Variants in STRADB observed in about 807,000 individuals in gnomAD.
STRADB encodes STE20 related adaptor beta, also known as STE20-related kinase adapter protein beta.
A neutral mutation model predicts 52.1 loss-of-function variants in STRADB; 34 were observed. That is an observed-to-expected ratio of 0.65 (90% CI 0.50 to 0.87). The LOEUF is 0.87. Among genes scored for constraint, STRADB ranks in the 40% least tolerant of loss-of-function variants. STRADB has a pLI of 0.00. For synonymous variants in STRADB, 133 were observed against 174.5 expected (o/e 0.76, Z 1.87); for missense variants, 340 against 483.9 (o/e 0.70, Z 2.79).
chr2:201,460,181 C>G (rs189985553), intron 3 of STRADB, among the ~76,000 whole-genome samples: 21 of 151,812 alleles, frequency 1.4e-4, no homozygotes, highest in Non-Finnish European at 2.4e-4. Context: ...TCATTAATAC[C>G]CTAGTCTTCT....
At chr2:201,456,134 T>G (rs1952123657) in intron 2 of STRADB, among the ~76,000 whole-genome samples, 1 of 152,212 alleles carries the variant, frequency 6.6e-6, no homozygotes, top group African/African-American at 2.4e-5. Context: ...ACTTTTCTGC[T>G]GAAATACTAG....
intron 2 of STRADB, among the ~76,000 whole-genome samples, chr2:201,457,213 C>T (rs768007034): frequency 6.6e-6 from 1 of 152,134 alleles, no homozygotes; most frequent in Non-Finnish European, 1.5e-5. Flanking sequence ...TTCTTTTGCA[C>T]AGTGGTATTA....
At chr2:201,474,984 G>T (rs1253540000) in intron 6 of STRADB, among the ~76,000 whole-genome samples, 1 of 152,160 alleles carries the variant, frequency 6.6e-6, no homozygotes, top group East Asian at 1.9e-4. Flanking sequence ...CAAGAATTCC[G>T]TGCCTTTGCA....
chr2:201,463,347 A>AAT (rs141354422), intron 3 of STRADB, among the ~76,000 whole-genome samples: 2 of 151,390 alleles, frequency 1.3e-5, no homozygotes, highest in Non-Finnish European at 2.9e-5. Flanking sequence ...AAAAAAAAAA[A>AAT]AGGTTTTCCT....
chr2:201,470,377 G>A (rs1952370448), intron 4 of STRADB, among the ~76,000 whole-genome samples: 1 of 151,982 alleles, frequency 6.6e-6, no homozygotes, highest in African/African-American at 2.4e-5. Context: ...GTAAAATCAA[G>A]TCATCTAAAT....
At position 201,468,745 on chromosome 2, in the gene STRADB, C is replaced by G. The variant is rs937696210; in HGVS notation, c.94-1208C>G. On this transcript the variant is annotated intron_variant, in intron 3 of 11. Transcript: ENST00000194530. ...TTATAAGCCTTAGCTCATTACATCT[C>G]TAGCCTTCCCGACAGGCTTACAGGT... Among the ~76,000 whole-genome samples the G allele has an allele frequency of 4.6e-5, 7 of 152,192 alleles. No homozygotes were observed. In the South Asian group the frequency reaches 6.2e-4, roughly 13 times the overall value.
At position 201,480,362 on chromosome 2, in the gene STRADB, A is replaced by G; in HGVS notation, c.*187A>G. The G allele has an allele frequency of 7.2e-7, 1 of 1,391,272 alleles. No homozygotes were observed. Among genetic ancestry groups the G allele is most frequent in the Non-Finnish European group, 9.3e-7 (1 of 1,076,076 alleles). 86.2% of individuals were successfully genotyped at this position (1,391,272 alleles called of 1,614,324 possible). A position where few individuals can be genotyped will look rare whatever the true frequency, so the allele number is the denominator to read the frequency against. Reference sequence around the variant, plus strand: ...GTAGTCCCTCTGTTTCGCACAGAGTACTATGACAAGGAAACATCAGAATTA... The same window carrying G: ...GTAGTCCCTCTGTTTCGCACAGAGTGCTATGACAAGGAAACATCAGAATTA... On this transcript the variant is annotated 3_prime_UTR_variant, in exon 12 of 12. Coordinates refer to ENST00000194530, the MANE Select transcript of STRADB (RefSeq NM_018571.6).
At chr2:201,453,860 A>G (rs1468598193) in intron 1 of STRADB, among the ~76,000 whole-genome samples, 1 of 152,210 alleles carries the variant, frequency 6.6e-6, no homozygotes, top group Non-Finnish European at 1.5e-5. Flanking sequence ...AGGTGGCTAA[A>G]TGATCACAGC....
At chr2:201,470,563 CG>C (rs751447859) in intron 4 of STRADB, among the ~76,000 whole-genome samples, 13 of 152,136 alleles carry the variant, frequency 8.5e-5, no homozygotes, top group Non-Finnish European at 1.9e-4. Flanking sequence ...CACTACACAC[CG>C]GTGATTGTGT....
In STRADB at chr2:201,475,585, A is replaced by G. The variant is rs761243658; in HGVS notation, c.425-34A>G. The G allele has an allele frequency of 1.2e-5, 19 of 1,611,164 alleles. No individual in the cohort carries two copies. The East Asian group carries it at 1.6e-4, about 13-fold the overall frequency. On this transcript the variant is annotated intron_variant, in intron 6 of 11. Coordinates refer to ENST00000194530, the MANE Select transcript of STRADB (RefSeq NM_018571.6). ...ACAGCTGGAAGCAAAATCACTTTCA[A>G]TGTTCATCTAAGGATTTTAGGGGTT...
Position 201,472,951 on chromosome 2 carries a change from A to T in STRADB, c.194-4A>T. On this transcript the variant is annotated splice_polypyrimidine_tract_variant and splice_region_variant and intron_variant, in intron 4 of 11. Transcript: ENST00000194530. ...ACTAACATGAGTTTTATGTCTGATT[A>T]CAGGAAGAGGATTTGACAACTTGAC... is the stretch of plus-strand genomic sequence containing the variant. The T allele has an allele frequency of 6.3e-7, 1 of 1,596,074 alleles. No individual in the cohort carries two copies. The highest frequency in any genetic ancestry group is 1.4e-5 in the African/African-American group (1 of 74,026).
chr2:201,457,519 T>G (rs1387155949), intron 2 of STRADB: 2 of 152,170 alleles, frequency 1.3e-5, no homozygotes, highest in Non-Finnish European at 2.9e-5. Context: ...GTATACAGAC[T>G]GTAGGAATTC....
In STRADB at chr2:201,453,672, A is replaced by G. The variant is rs148597715; in HGVS notation, c.-95-1074A>G. Among the ~76,000 whole-genome samples, 13 of 152,342 alleles carry G rather than the reference A, an allele frequency of 8.5e-5. No individual in the cohort carries two copies. The East Asian group carries it at 1.9e-3, about 23-fold the overall frequency. On this transcript the variant is annotated intron_variant, in intron 1 of 11. Coordinates refer to ENST00000194530, the MANE Select transcript of STRADB (RefSeq NM_018571.6). ...TATAGTTTTGTACTGCCATCAGTAC[A>G]TTTGAGTGTACCTTTCAAAGCATAG...
intron 8 of STRADB, 62 bp from the exon 9 acceptor site, chr2:201,478,024 AT>A: frequency 7.1e-7 from 1 of 1,409,764 alleles, no homozygotes; most frequent in East Asian, 2.3e-5. Context: ...AAAAAAGCAC[AT>A]GTGTATAACT....
At chr2:201,457,111 C>A (rs1952139939) in intron 2 of STRADB, among the ~76,000 whole-genome samples, 1 of 152,200 alleles carries the variant, frequency 6.6e-6, no homozygotes, top group Non-Finnish European at 1.5e-5. Context: ...AAGGGAACCT[C>A]TGCAAAATCC....
At chr2:201,456,567 A>C (rs1952130678) in intron 2 of STRADB, among the ~76,000 whole-genome samples, 1 of 93,664 alleles carries the variant, frequency 1.1e-5, no homozygotes, top group South Asian at 4.4e-4. Context: ...CTTTGAATCG[A>C]AATATTTACT....
intron 9 of STRADB, 59 bp downstream of exon 9, chr2:201,478,250 A>G (rs931913761): frequency 5.0e-5 from 80 of 1,590,178 alleles, no homozygotes; most frequent in Non-Finnish European, 6.6e-5. Flanking sequence ...TACATTCTAG[A>G]TAATTTCTGT....
At chr2:201,453,954 A>G (rs915113902) in intron 1 of STRADB, among the ~76,000 whole-genome samples, 1 of 152,210 alleles carries the variant, frequency 6.6e-6, no homozygotes, top group African/African-American at 2.4e-5. Context: ...TTTAGCAATA[A>G]AATTGGATAT....
In STRADB at chr2:201,477,651, G is replaced by T; in HGVS notation, c.581G>T (p.Gly194Val). 2 of 1,609,572 alleles carry T rather than the reference G, an allele frequency of 1.2e-6. No homozygotes were observed. The highest frequency in any genetic ancestry group is 1.7e-6 in the Non-Finnish European group (2 of 1,176,594). The change falls in exon 8 of 12, where the codon GGT becomes GTT. Residue 194 changes from glycine to valine, a missense_variant. Gly to Val is a moderately radical substitution (Grantham distance 109, BLOSUM62 -3). Transcript: ENST00000194530. ...AAAGCCAGCCATATCCTCATTTCTG[G>T]TGATGGCCTAGTGACCCTCTCTGGC... ...SIKASHILIS[G>V]DGLVTLSGLS... is the part of the protein sequence containing the mutation.
Sources: gnomAD v4.1 joint callset for allele counts (sites outside exome capture counted in the v4.1 genomes callset) on GRCh38, gnomAD v4.1.1 for gene constraint, MANE v1.5 for transcripts, NCBI Gene and HGNC (gene_info 2026-07-23, HGNC 2026-07-21) for gene names.